The following CEP72 variants were observed in gnomAD, a reference collection of about 807,000 sequenced individuals.
The protein encoded by CEP72 is centrosomal protein 72, also known as centrosomal protein of 72 kDa.
In CEP72, 78 loss-of-function variants were observed where a neutral mutation model predicts 65.7. That is an observed-to-expected ratio of 1.19 (90% confidence interval 0.99 to 1.43). The LOEUF is 1.43. CEP72 is among the 40% of genes most tolerant of loss of function. The pLI, the probability that CEP72 is intolerant of heterozygous loss-of-function variation, is 0.00. For synonymous variants in CEP72, 358 were observed against 351.7 expected, an observed-to-expected ratio of 1.02 and a Z score of -0.20; for missense variants, 914 against 832.9, an observed-to-expected ratio of 1.10 and a Z score of -1.20.
chr5:641,549 G>A (rs962764221), intron 9 of CEP72: 2 of 985,316 alleles, frequency 2.0e-6, no homozygotes, highest in African/African-American at 3.5e-5. Context: ...AACAACACAG[G>A]CAGCCTCTGT....
At chr5:673,980 C>T in the CEP72 span, among the ~76,000 whole-genome samples, 2 of 152,220 alleles carry the variant, frequency 1.3e-5, no homozygotes, top group African/African-American at 2.4e-5. Flanking sequence ...TGCACACATG[C>T]GCCATAGTTT....
chr5:647,223 G>A (rs1738485256), intron 10 of CEP72, among the ~76,000 whole-genome samples: 1 of 152,230 alleles, frequency 6.6e-6, no homozygotes, highest in Admixed American at 6.5e-5. Context: ...TTGCAAGAGT[G>A]TGTCTACATG....
rs763928460 is a variant in CEP72, at chr5:644,294, C to T, written c.1540-5C>T. On this transcript the variant is annotated splice_polypyrimidine_tract_variant and splice_region_variant and intron_variant, in intron 9 of 11. Transcript: ENST00000264935. Reference sequence around the variant, plus strand: ...TGCACTTAAGTGTATTTTCTGTGTCCGCAGGATGATTTGAGACAACATTTA... The same window carrying T: ...TGCACTTAAGTGTATTTTCTGTGTCTGCAGGATGATTTGAGACAACATTTA... The T allele has an allele frequency of 2.7e-5, 44 of 1,612,556 alleles. No homozygotes were observed. Among genetic ancestry groups the T allele is most frequent in the Non-Finnish European group, 3.3e-5 (39 of 1,179,370 alleles).
At chr5:663,878 T>C (rs1443021634) in intron 2 of CEP72, 1 of 152,324 alleles carries the variant, frequency 6.6e-6, no homozygotes, top group Admixed American at 6.5e-5. Flanking sequence ...CAGTGTGCCA[T>C]TGTGACAGCG....
At chr5:658,045 G>A (rs4957082), downstream of CEP72, among the ~76,000 whole-genome samples, 162 of 152,256 alleles carry the variant, frequency 1.1e-3, no homozygotes, top group Admixed American at 2.5e-3. Context: ...TTTCCATTTT[G>A]GGGGGTATAA....
In CEP72 at chr5:653,418, T is replaced by A. The variant is rs1739241988; in HGVS notation, c.*265T>A. The stretch of plus-strand genomic sequence containing the variant: ...AGACAAACTGACTATTAATCTTGTA[T>A]CCAGTATCCTGAGATGAAGTAAATG... On this transcript the variant is annotated 3_prime_UTR_variant, in exon 12 of 12. Coordinates refer to ENST00000264935, the MANE Select transcript of CEP72 (RefSeq NM_018140.4). 6.1e-6 allele frequency: 2 copies of A among 327,142 alleles called. No individual in the cohort carries two copies. Among genetic ancestry groups the A allele is most frequent in the Admixed American group, 4.6e-5 (1 of 21,776 alleles). The allele number at this position is 327,142 out of a possible 1,614,324, so 20.3% of individuals were successfully genotyped here.
At chr5:668,196 CAGGGAAGT>C (rs1740017144), downstream of CEP72, among the ~76,000 whole-genome samples, 2 of 123,008 alleles carry the variant, frequency 1.6e-5, 1 homozygote, top group Non-Finnish European at 3.5e-5. Flanking sequence ...TGGGCGCCGT[CAGGGAAGT>C]ACCGACAAGC....
chr5:661,060 G>A (rs1739572311), downstream of CEP72: 1 of 152,298 alleles, frequency 6.6e-6, no homozygotes, highest in Non-Finnish European at 1.5e-5. Flanking sequence ...ACACTACCTG[G>A]TTGCTTATCC....
downstream of CEP72, among the ~76,000 whole-genome samples, chr5:669,220 C>T (rs951774795): frequency 2.2e-4 from 34 of 152,202 alleles, no homozygotes; most frequent in Admixed American, 2.6e-4. Flanking sequence ...GGGCACATTC[C>T]AGACCCGCCG....
chr5:651,391 G>C (rs997203549), intron 11 of CEP72, among the ~76,000 whole-genome samples: 1 of 151,866 alleles, frequency 6.6e-6, no homozygotes, highest in Non-Finnish European at 1.5e-5. Context: ...GTGAGGTGTG[G>C]ACTGAGAGTT....
chr5:661,476 CCTCT>C, downstream of CEP72: 1 of 152,526 alleles, frequency 6.6e-6, no homozygotes, highest in Admixed American at 6.5e-5. Context: ...AGAACCTGTC[CCTCT>C]CTCCTGGTTT....
At chr5:640,376 G>A in intron 8 of CEP72, 32 bp from the exon 9 acceptor site, 1 of 1,602,896 alleles carries the variant, frequency 6.2e-7, no homozygotes, top group Non-Finnish European at 8.5e-7. Flanking sequence ...TTAAGCCTAA[G>A]TGCTAATGTA....
intron 8 of CEP72, among the ~76,000 whole-genome samples, chr5:640,091 G>A (rs1408165318): frequency 6.6e-6 from 1 of 152,252 alleles, no homozygotes; most frequent in African/African-American, 2.4e-5. Context: ...CTGCATGGTG[G>A]TTTCCACACA....
intron 10 of CEP72, among the ~76,000 whole-genome samples, chr5:646,857 T>C (rs1020447739): frequency 2.0e-4 from 30 of 152,200 alleles, no homozygotes; most frequent in African/African-American, 7.0e-4. Context: ...GTGTGACTTG[T>C]GGCCTCTGGG....
Position 624,292 on chromosome 5 carries a change from C to A in CEP72, c.404-179C>A, listed in dbSNP as rs1736591747. Among the ~76,000 whole-genome samples the A allele has an allele frequency of 1.3e-5, 2 of 152,228 alleles. No homozygotes were observed. Among genetic ancestry groups the A allele is most frequent in the East Asian group, 3.9e-4 (2 of 5,192 alleles). On this transcript the variant is annotated intron_variant, in intron 3 of 11. Coordinates refer to ENST00000264935, the MANE Select transcript of CEP72 (RefSeq NM_018140.4). The surrounding 1 kb of genome is among the most constrained non-coding windows in gnomAD (Gnocchi z 4.7). ...TCTGAGGGACAGGCGGCCTCAGCAC[C>A]ACGCTGGGCATCGCCGGGAAGCTGT...
In CEP72 at chr5:635,486, C is replaced by G. The variant is rs1423859801; in HGVS notation, c.806C>G (p.Pro269Arg). ...AGAGGGTGCTGTCTGGAGAAGATGC[C>G]TTGGAGCCAGCTCTGTGGAGAGCTT... ...SCRGCCLEKMPWSQLCGELPP... is the reference protein window; with the variant it reads ...SCRGCCLEKMRWSQLCGELPP... Residue 269 changes from proline to arginine, a missense_variant, in exon 6 of 12, where the codon CCT (proline) becomes CGT (arginine). Pro to Arg is a moderately radical substitution (Grantham distance 103). Coordinates refer to ENST00000264935, the MANE Select transcript of CEP72 (RefSeq NM_018140.4). 3.7e-6 allele frequency: 6 copies of G among 1,613,986 alleles called. No individual in the cohort carries two copies. The Middle Eastern group carries it at 4.9e-4, about 133-fold the overall frequency.
At chr5:658,813 C>T (rs572493197), downstream of CEP72, among the ~76,000 whole-genome samples, 7 of 151,544 alleles carry the variant, frequency 4.6e-5, no homozygotes, top group South Asian at 2.1e-4. Flanking sequence ...GGACTACAGG[C>T]GCCCGCCACC....
intron 4 of CEP72, among the ~76,000 whole-genome samples, chr5:625,219 T>C (rs559143267): frequency 4.3e-4 from 66 of 152,366 alleles, no homozygotes; most frequent in African/African-American, 1.5e-3. Context: ...GCTTTGTTTA[T>C]GGGTTGATTC....
At chr5:620,527 G>A (rs1302515618) in intron 3 of CEP72, among the ~76,000 whole-genome samples, 7 of 152,204 alleles carry the variant, frequency 4.6e-5, no homozygotes, top group Admixed American at 3.9e-4. Flanking sequence ...AGGCTGCTAC[G>A]TCCTGTTCTG....
Sources: allele counts gnomAD v4.1 joint callset (sites outside exome capture counted in the v4.1 genomes callset), GRCh38; gene constraint gnomAD v4.1.1; non-coding constraint Gnocchi (gnomAD v3.1); transcripts MANE v1.5; gene names NCBI Gene and HGNC (gene_info 2026-07-23, HGNC 2026-07-21).